The following CDH18 variants were observed in gnomAD, a reference collection of about 807,000 sequenced individuals.
The protein encoded by CDH18 is cadherin-18.
A neutral mutation model predicts 67.9 loss-of-function variants in CDH18; 31 were observed. The observed-to-expected ratio is 0.46, with a 90% CI of 0.34 to 0.62. The LOEUF (loss-of-function observed/expected upper bound fraction) is 0.62. CDH18 is among the 20% of genes least tolerant of loss of function. The probability of loss-of-function intolerance (pLI) is 0.01; values close to 1 mark genes in which losing one functional copy is unlikely to be tolerated. For missense variants in CDH18, 890 were observed against 975.5 expected (o/e 0.91, Z 1.17); for synonymous variants, 362 against 347.2 (o/e 1.04, Z -0.48).
intron 2 of CDH18, among the ~76,000 whole-genome samples, chr5:19,887,522 T>C (rs1788338436): frequency 6.6e-6 from 1 of 152,032 alleles, no homozygotes; most frequent in African/African-American, 2.4e-5. Flanking sequence ...TCCCCAAAAG[T>C]TGTATTGTTT....
At chr5:20,393,829 C>A (rs1393700145) in intron 1 of CDH18, among the ~76,000 whole-genome samples, 2 of 151,588 alleles carry the variant, frequency 1.3e-5, no homozygotes, top group African/African-American at 4.8e-5. Flanking sequence ...AATTCAACAC[C>A]TAGGAATACC....
chr5:19,810,852 G>A (rs1268543451), intron 3 of CDH18, among the ~76,000 whole-genome samples: 1 of 151,658 alleles, frequency 6.6e-6, no homozygotes, highest in African/African-American at 2.4e-5. Flanking sequence ...GTGAAACCTC[G>A]TCTCCACTAA....
chr5:20,351,160 TTGTGTGTGTGTG>T (rs375375615), intron 1 of CDH18, among the ~76,000 whole-genome samples: 93 of 132,156 alleles, frequency 7.0e-4, no homozygotes, highest in Admixed American at 1.3e-3. Flanking sequence ...GTAAATGTAT[TTGTGTGTGTGTG>T]TGTGTGTGTG....
At chr5:19,945,554 A>G (rs1012025859) in intron 2 of CDH18, among the ~76,000 whole-genome samples, 3 of 152,204 alleles carry the variant, frequency 2.0e-5, no homozygotes, top group Admixed American at 2.0e-4. Flanking sequence ...GAGATGAATC[A>G]GATTTTAGTA....
At chr5:19,791,241 T>C (rs756311775) in intron 3 of CDH18, among the ~76,000 whole-genome samples, 11 of 151,714 alleles carry the variant, frequency 7.3e-5, no homozygotes, top group Non-Finnish European at 1.5e-4. Flanking sequence ...GTGCGTGTGG[T>C]AGTAAATATT....
At chr5:19,767,865 A>C (rs1418064405) in intron 3 of CDH18, among the ~76,000 whole-genome samples, 1 of 152,210 alleles carries the variant, frequency 6.6e-6, no homozygotes, top group Non-Finnish European at 1.5e-5. Flanking sequence ...AGGGATGTAT[A>C]GAAGAAAAAT....
intron 2 of CDH18, among the ~76,000 whole-genome samples, chr5:19,954,743 C>G (rs2150277860): frequency 6.6e-6 from 1 of 151,942 alleles, no homozygotes; most frequent in South Asian, 2.1e-4. Context: ...CTTTCAAATA[C>G]AAACACACAC....
chr5:20,329,459 AT>A (rs1354928179), intron 1 of CDH18, among the ~76,000 whole-genome samples: 1 of 152,098 alleles, frequency 6.6e-6, no homozygotes. Context: ...AAAAATGCTG[AT>A]AAAGAGTCAG....
At chr5:20,536,237 T>C (rs924518837) in intron 1 of CDH18, among the ~76,000 whole-genome samples, 1 of 152,134 alleles carries the variant, frequency 6.6e-6, no homozygotes, top group South Asian at 2.1e-4. Flanking sequence ...TTTGTTAACG[T>C]GAATTTTTTA....
At chr5:20,232,568 C>T (rs1339744438) in intron 2 of CDH18, among the ~76,000 whole-genome samples, 1 of 152,020 alleles carries the variant, frequency 6.6e-6, no homozygotes, top group African/African-American at 2.4e-5. Context: ...TTTTTACCAT[C>T]AAAAGTCATT....
rs114536622 is a variant in CDH18 at position 19,730,280 on chromosome 5, T to A, written c.524-8814A>T. 9.8e-3 allele frequency among the ~76,000 whole-genome samples: 1,499 copies of A among 152,344 alleles called. 17 individuals carry two copies. The highest frequency in any genetic ancestry group is 0.014 in the Non-Finnish European group (983 of 68,034). ...TCTATTTGTCTAACTGCCAGTTGAT[T>A]TGTTTTTCTGCTAGAACTTTGATTG... On this transcript the variant is annotated intron_variant, in intron 4 of 12. Transcript: ENST00000382275.
chr5:19,972,749 T>C (rs1798146502), intron 2 of CDH18, among the ~76,000 whole-genome samples: 1 of 151,936 alleles, frequency 6.6e-6, no homozygotes, highest in Middle Eastern at 3.2e-3. Flanking sequence ...ACATAACTTA[T>C]AACATAACAA....
At chr5:20,230,333 G>A (rs899553906) in intron 2 of CDH18, among the ~76,000 whole-genome samples, 2 of 152,078 alleles carry the variant, frequency 1.3e-5, no homozygotes, top group Non-Finnish European at 2.9e-5. Context: ...GTCACTCTGG[G>A]CCTATGAAAT....
chr5:19,611,949 C>CGT (rs3062879), intron 6 of CDH18, among the ~76,000 whole-genome samples: 8,841 of 139,004 alleles, frequency 0.064, 450 homozygotes, highest in African/African-American at 0.13. Context: ...TTGGATGATG[C>CGT]GTGTGTGTGT....
At chr5:19,537,286 G>A (rs1188394078) in intron 9 of CDH18, among the ~76,000 whole-genome samples, 1 of 151,912 alleles carries the variant, frequency 6.6e-6, no homozygotes, top group East Asian at 1.9e-4. Flanking sequence ...ACTCAAAGTG[G>A]GATACAGAGT....
chr5:20,366,776 A>G (rs1742556934), intron 1 of CDH18, among the ~76,000 whole-genome samples: 1 of 152,182 alleles, frequency 6.6e-6, no homozygotes, highest in Non-Finnish European at 1.5e-5. Context: ...CATGGAGTCC[A>G]TGTGTTTGGA....
chr5:19,711,962 G>A (rs1764760942), intron 5 of CDH18, among the ~76,000 whole-genome samples: 1 of 152,010 alleles, frequency 6.6e-6, no homozygotes, highest in Non-Finnish European at 1.5e-5. Context: ...ATACACTGTG[G>A]AATATTACTC....
intron 3 of CDH18, among the ~76,000 whole-genome samples, chr5:19,768,362 T>C (rs1773343111): frequency 6.6e-6 from 1 of 152,202 alleles, no homozygotes; most frequent in Non-Finnish European, 1.5e-5. Context: ...TTCAAAGCTC[T>C]GACATATTTC....
intron 6 of CDH18, among the ~76,000 whole-genome samples, chr5:19,600,931 T>A (rs2150065492): frequency 6.6e-6 from 1 of 152,346 alleles, no homozygotes; most frequent in South Asian, 2.1e-4. Flanking sequence ...AGAGTTTTTA[T>A]AAGTTTAGCT....
Sources: allele counts gnomAD v4.1 joint callset (sites outside exome capture counted in the v4.1 genomes callset), GRCh38; gene constraint gnomAD v4.1.1; transcripts MANE v1.5; gene names NCBI Gene and HGNC (gene_info 2026-07-23, HGNC 2026-07-21).